COG5: variants seen among roughly 807,000 people sequenced by gnomAD.
COG5 encodes the protein conserved oligomeric Golgi complex subunit 5.
A neutral mutation model predicts 110.4 loss-of-function variants in COG5; 86 were observed. The ratio of observed to expected loss-of-function variants is 0.78; its 90% confidence interval spans 0.65 to 0.93. The LOEUF (loss-of-function observed/expected upper bound fraction) is 0.93, where lower values mean the gene tolerates loss of function less well. Ranked by LOEUF, COG5 falls within the 40% of genes least tolerant of loss-of-function variation. The pLI is 0.00. For synonymous variants in COG5, 360 were observed against 334.6 expected (o/e 1.08, Z -0.83); for missense variants, 1,077 against 987.0 (o/e 1.09, Z -1.22).
At chr7:107,206,933 T>G (rs1039870879) in intron 21 of COG5, among the ~76,000 whole-genome samples, 1 of 152,202 alleles carries the variant, frequency 6.6e-6, no homozygotes, top group Non-Finnish European at 1.5e-5. Context: ...TAACAGTTAG[T>G]CTTAACTCTG....
At chr7:107,499,020 T>G (rs2129134390) in intron 6 of COG5, among the ~76,000 whole-genome samples, 1 of 152,304 alleles carries the variant, frequency 6.6e-6, no homozygotes, top group Middle Eastern at 3.4e-3. Flanking sequence ...CTTATGGATA[T>G]TATGCTTAGT....
chr7:107,413,845 A>G (rs1348948975), intron 6 of COG5, among the ~76,000 whole-genome samples: 1 of 152,220 alleles, frequency 6.6e-6, no homozygotes, highest in Non-Finnish European at 1.5e-5. Context: ...TGTTATTTGT[A>G]ATTTTCTAAA....
At chr7:107,448,363 C>CT (rs907808789) in intron 6 of COG5, among the ~76,000 whole-genome samples, 8 of 151,788 alleles carry the variant, frequency 5.3e-5, no homozygotes, top group African/African-American at 9.7e-5. Flanking sequence ...TTCTTTCTTT[C>CT]TTTTTTTTGG....
chr7:107,516,002 C>T (rs1258654571), intron 6 of COG5, among the ~76,000 whole-genome samples: 1 of 152,116 alleles, frequency 6.6e-6, no homozygotes, highest in Non-Finnish European at 1.5e-5. Flanking sequence ...GTAGTAATGC[C>T]TATCTAAATT....
chr7:107,525,462 A>G (rs1472985916), intron 6 of COG5, among the ~76,000 whole-genome samples: 1 of 152,208 alleles, frequency 6.6e-6, no homozygotes, highest in Admixed American at 6.5e-5. Flanking sequence ...TGATAGAGCA[A>G]AACAGTGGCT....
intron 8 of COG5, among the ~76,000 whole-genome samples, chr7:107,370,337 T>C (rs770751596): frequency 1.3e-5 from 2 of 152,116 alleles, no homozygotes; most frequent in Admixed American, 6.6e-5. Context: ...AAAAAAAAAT[T>C]TTCCCTGAAC....
intron 6 of COG5, among the ~76,000 whole-genome samples, chr7:107,413,946 C>T (rs888540286): frequency 4.6e-5 from 7 of 152,098 alleles, no homozygotes; most frequent in Non-Finnish European, 8.8e-5. Context: ...GGCTAGTAAC[C>T]GGTAAAACAG....
intron 10 of COG5, among the ~76,000 whole-genome samples, chr7:107,355,633 C>T (rs776800671): frequency 6.6e-6 from 1 of 152,170 alleles, no homozygotes; most frequent in Non-Finnish European, 1.5e-5. Flanking sequence ...ATTGAAGGAA[C>T]CTTAAACGCA....
chr7:107,336,716 A>G (rs2129033768), intron 10 of COG5, among the ~76,000 whole-genome samples: 1 of 152,306 alleles, frequency 6.6e-6, no homozygotes, highest in Non-Finnish European at 1.5e-5. Flanking sequence ...TTCCTCAATT[A>G]AAGTCACTGA....
chr7:107,294,883 G>T (rs1238515344), intron 12 of COG5, among the ~76,000 whole-genome samples: 1 of 644 alleles, frequency 1.6e-3, no homozygotes, highest in South Asian at 0.024. Context: ...GCCTGGATTT[G>T]TGTGTGTGTG....
intron 6 of COG5, among the ~76,000 whole-genome samples, chr7:107,504,931 T>C (rs1798881861): frequency 1.3e-5 from 2 of 152,156 alleles, no homozygotes; most frequent in East Asian, 1.9e-4. Context: ...ATTTTGTTTA[T>C]CTCTCAAAGA....
chr7:107,328,283 A>C (rs1035470848), intron 10 of COG5, among the ~76,000 whole-genome samples: 1 of 152,206 alleles, frequency 6.6e-6, no homozygotes, highest in African/African-American at 2.4e-5. Context: ...GGTAATTGTA[A>C]CACAATAGTA....
intron 6 of COG5, among the ~76,000 whole-genome samples, chr7:107,452,525 G>A (rs1342131714): frequency 1.3e-5 from 2 of 152,124 alleles, no homozygotes; most frequent in African/African-American, 4.8e-5. Flanking sequence ...TAGTGAATAA[G>A]TCTCACAAGA....
At chr7:107,488,992 A>C (rs2129126665) in intron 6 of COG5, among the ~76,000 whole-genome samples, 1 of 152,252 alleles carries the variant, frequency 6.6e-6, no homozygotes, top group Non-Finnish European at 1.5e-5. Context: ...GAGCAACCAA[A>C]CATTGTGATT....
At chr7:107,481,082 A>G (rs1194843760) in intron 6 of COG5, 2 of 152,162 alleles carry the variant, frequency 1.3e-5, no homozygotes, top group Non-Finnish European at 2.9e-5. Flanking sequence ...ACTGACACCA[A>G]TATCAACTCC....
chr7:107,453,854 G>A lies in COG5; in HGVS notation c.539-41222C>T, dbSNP rs117898450. ...CAAATCCAAGTGCAATGTCAAACAT[G>A]AATTTAAAAATATTAAATTATTGTA... On this transcript the variant is annotated intron_variant, in intron 6 of 21. Transcript: ENST00000297135. Among the ~76,000 whole-genome samples the A allele has an allele frequency of 1.7e-3, 263 of 152,110 alleles. 4 individuals carry two copies. In the East Asian group the frequency reaches 0.026, roughly 15 times the overall value.
intron 7 of COG5, among the ~76,000 whole-genome samples, chr7:107,379,800 A>C (rs932896713): frequency 6.6e-6 from 1 of 152,134 alleles, no homozygotes; most frequent in African/African-American, 2.4e-5. Context: ...AGAGACCTAC[A>C]AAGAGACTTA....
chr7:107,522,334 G>A (rs1800390071), intron 6 of COG5, among the ~76,000 whole-genome samples: 1 of 152,200 alleles, frequency 6.6e-6, no homozygotes, highest in Non-Finnish European at 1.5e-5. Context: ...CAGGCGTGGT[G>A]GTGAATGCCT....
chr7:107,300,152 T>C (rs1201637732), intron 11 of COG5, among the ~76,000 whole-genome samples: 7 of 151,928 alleles, frequency 4.6e-5, no homozygotes, highest in Non-Finnish European at 1.5e-5. Context: ...CTAAGAACTC[T>C]CAGTCAACTA....
Sources: allele counts gnomAD v4.1 joint callset (sites outside exome capture counted in the v4.1 genomes callset), GRCh38; gene constraint gnomAD v4.1.1; transcripts MANE v1.5; gene names NCBI Gene and HGNC (gene_info 2026-07-23, HGNC 2026-07-21).